The following SYN2 variants were observed in gnomAD, a reference collection of about 807,000 sequenced individuals.
SYN2 encodes the protein synapsin II.
A neutral mutation model predicts 50.9 loss-of-function variants in SYN2; 19 were observed. The observed-to-expected ratio is 0.37, with a 90% CI of 0.26 to 0.55. The LOEUF (loss-of-function observed/expected upper bound fraction) is 0.55. Ranked by LOEUF, SYN2 falls within the 20% of genes least tolerant of loss-of-function variation. The pLI, the probability that SYN2 is intolerant of heterozygous loss-of-function variation, is 0.81. For synonymous variants in SYN2, 255 were observed against 224.9 expected (o/e 1.13, Z -1.20); for missense variants, 587 against 576.4 (o/e 1.02, Z -0.19).
chr3:12,119,316 C>A (rs1696502056), intron 1 of SYN2, among the ~76,000 whole-genome samples: 1 of 152,052 alleles, frequency 6.6e-6, no homozygotes, highest in South Asian at 2.1e-4. Flanking sequence ...ACATTCAGCT[C>A]TTTTGAACTG....
chr3:12,083,115 G>A (rs1222149249), intron 1 of SYN2, among the ~76,000 whole-genome samples: 1 of 152,080 alleles, frequency 6.6e-6, no homozygotes, highest in Non-Finnish European at 1.5e-5. Flanking sequence ...GGATTCAAGC[G>A]ATTGTCCTGC....
rs757265190 is a variant in SYN2, at chr3:12,141,995, C to T, written c.526C>T (p.Arg176Trp). The change falls in exon 3 of 13, where the codon CGG (arginine) becomes TGG (tryptophan). Residue 176 changes from arginine (R) to tryptophan (W), a missense_variant and splice_region_variant. Coordinates refer to ENST00000621198, the MANE Select transcript of SYN2 (RefSeq NM_133625.6). ...QVLRNGTKVV[R>W]SFRPDFVLIR... ...TCTCCGGAATGGCACAAAGGTTGTC[C>T]GGTAAGGGTCTTTCTGTCCTCAGGA... 1.9e-5 allele frequency: 15 copies of T among 780,606 alleles called. No homozygotes were observed. The highest frequency in any genetic ancestry group is 6.8e-5 in the African/African-American group (4 of 59,112). The allele number at this position is 780,606 out of a possible 1,614,324, so 48.4% of individuals were successfully genotyped here. A position where few individuals can be genotyped will look rare whatever the true frequency, so the allele number is the denominator to read the frequency against.
chr3:12,141,178 A>T (rs967331021), intron 2 of SYN2, among the ~76,000 whole-genome samples: 1 of 150,456 alleles, frequency 6.6e-6, no homozygotes, highest in Non-Finnish European at 1.5e-5. Flanking sequence ...GTTTTAATAC[A>T]GTGAATCACT....
At chr3:12,162,488 G>C (rs1389424149) in intron 7 of SYN2, among the ~76,000 whole-genome samples, 1 of 152,126 alleles carries the variant, frequency 6.6e-6, no homozygotes, top group Non-Finnish European at 1.5e-5. Flanking sequence ...ATATCTCTAT[G>C]GATTATTCTC....
At chr3:12,170,502 G>T (rs1697914434) in intron 10 of SYN2, among the ~76,000 whole-genome samples, 1 of 152,232 alleles carries the variant, frequency 6.6e-6, no homozygotes, top group Non-Finnish European at 1.5e-5. Flanking sequence ...CAGCATTCCA[G>T]CTGCGGGTCT....
chr3:12,103,573 T>C (rs962902888), intron 1 of SYN2, among the ~76,000 whole-genome samples: 4 of 152,208 alleles, frequency 2.6e-5, no homozygotes, highest in African/African-American at 9.6e-5. Context: ...AATTGAAATC[T>C]GCATTTGAAC....
intron 4 of SYN2, among the ~76,000 whole-genome samples, chr3:12,146,725 T>A (rs1697157482): frequency 6.6e-6 from 1 of 152,082 alleles, no homozygotes; most frequent in Non-Finnish European, 1.5e-5. Context: ...GTGGAAACTT[T>A]TAGGCAGATA....
At chr3:12,183,729 T>TA (rs1698276033) in intron 11 of SYN2, 1 of 1,204,650 alleles carries the variant, frequency 8.3e-7, no homozygotes. Flanking sequence ...AGTGTGACTT[T>TA]ATCTTCTGGG....
At chr3:12,137,858 G>T (rs927406731) in intron 1 of SYN2, among the ~76,000 whole-genome samples, 1 of 152,144 alleles carries the variant, frequency 6.6e-6, no homozygotes, top group African/African-American at 2.4e-5. Context: ...TGGGAAAAAA[G>T]AACATTTTAC....
intron 1 of SYN2, among the ~76,000 whole-genome samples, chr3:12,040,064 C>CTGATTTGGGACATAAATTGG (rs1343295564): frequency 6.6e-6 from 1 of 152,072 alleles, no homozygotes; most frequent in Non-Finnish European, 1.5e-5. Context: ...ACAAAGTATG[C>CTGATTTGGGACATAAATTGG]TGATTTGGGA....
At chr3:12,082,533 A>G (rs1033956056) in intron 1 of SYN2, among the ~76,000 whole-genome samples, 6 of 152,218 alleles carry the variant, frequency 3.9e-5, no homozygotes, top group Admixed American at 2.6e-4. Flanking sequence ...TTTTCTGCAA[A>G]GTTTGGTATT....
intron 1 of SYN2, among the ~76,000 whole-genome samples, chr3:12,093,281 T>C (rs1414799318): frequency 6.6e-6 from 1 of 152,228 alleles, no homozygotes; most frequent in East Asian, 1.9e-4. Context: ...TATTGTGGTC[T>C]CTGTGGGTTT....
intron 8 of SYN2, among the ~76,000 whole-genome samples, chr3:12,168,021 G>A (rs781163106): frequency 3.3e-5 from 5 of 152,176 alleles, no homozygotes; most frequent in Non-Finnish European, 5.9e-5. Context: ...GGTGGAAGAA[G>A]TTTCTAAGCA....
At chr3:12,136,065 A>C (rs537339253) in intron 1 of SYN2, among the ~76,000 whole-genome samples, 1 of 152,312 alleles carries the variant, frequency 6.6e-6, no homozygotes, top group South Asian at 2.1e-4. Flanking sequence ...ATTATTAGAC[A>C]ACCGACTTTG....
intron 5 of SYN2, chr3:12,153,603 A>T (rs747262956): frequency 6.2e-7 from 1 of 1,614,022 alleles, no homozygotes; most frequent in Non-Finnish European, 8.5e-7. Context: ...CTTCATACAG[A>T]CATAATGCTG....
intron 5 of SYN2, among the ~76,000 whole-genome samples, chr3:12,158,160 C>T (rs930859993): frequency 1.3e-5 from 2 of 152,060 alleles, no homozygotes; most frequent in African/African-American, 2.4e-5. Flanking sequence ...CCAAGGAGCC[C>T]GGGAGCCTGC....
chr3:12,137,240 C>A (rs1265058725), intron 1 of SYN2, among the ~76,000 whole-genome samples: 2 of 145,684 alleles, frequency 1.4e-5, no homozygotes, highest in Admixed American at 6.9e-5. Flanking sequence ...AGAGCAAGAT[C>A]CTGTCTCAAA....
chr3:12,072,460 T>C (rs383612), intron 1 of SYN2, among the ~76,000 whole-genome samples: 1 of 152,238 alleles, frequency 6.6e-6, no homozygotes, highest in Non-Finnish European at 1.5e-5. Context: ...ATTTAGCTCT[T>C]ACATTTAAGC....
Position 12,019,828 on chromosome 3 carries a change from G to A in SYN2, c.377+14900G>A, listed in dbSNP as rs6800210. Among the ~76,000 whole-genome samples, 410 of 152,234 alleles carry A rather than the reference G, an allele frequency of 2.7e-3. 2 individuals are homozygous for A. Among genetic ancestry groups the A allele is most frequent in the African/African-American group, 5.8e-3 (241 of 41,532 alleles). ...GGAATCCAAGGCTCAGAGAGCTTGCGATTTTGCTTAAAGTTATAACACCGA... is the reference window on the plus strand; with the variant it reads ...GGAATCCAAGGCTCAGAGAGCTTGCAATTTTGCTTAAAGTTATAACACCGA... On this transcript the variant is annotated intron_variant, in intron 1 of 12. Transcript: ENST00000621198.
Sources: allele counts gnomAD v4.1 joint callset (sites outside exome capture counted in the v4.1 genomes callset), GRCh38; gene constraint gnomAD v4.1.1; transcripts MANE v1.5; gene names NCBI Gene and HGNC (gene_info 2026-07-23, HGNC 2026-07-21).